ZNF563: variants seen among roughly 807,000 people sequenced by gnomAD.
ZNF563 encodes zinc finger protein 563.
Under a neutral mutation model 48.5 loss-of-function variants are expected in ZNF563, and 39 were observed. The ratio of observed to expected loss-of-function variants is 0.80; its 90% CI spans 0.62 to 1.05. The LOEUF is 1.05. Among genes scored for constraint, ZNF563 ranks in the 50% least tolerant of loss-of-function variants. The pLI, the probability that ZNF563 is intolerant of heterozygous loss-of-function variation, is 0.00. For missense variants in ZNF563, 538 were observed against 597.0 expected (o/e 0.90, Z 1.03); for synonymous variants, 168 against 187.9 (o/e 0.89, Z 0.87).
Position 12,319,352 on chromosome 19 carries a change from A to G in ZNF563, c.673T>C (p.Tyr225His), listed in dbSNP as rs1398830378. The change falls in exon 4 of 4, where the codon TAT (tyrosine) becomes CAT (histidine). Residue 225 changes from tyrosine (Y) to histidine (H), a missense_variant. Coordinates refer to ENST00000293725, the MANE Select transcript of ZNF563 (RefSeq NM_145276.3). ...HERTHTGEKP[Y>H]ECKQCSKAFP... ...GCTTTAGAACACTGCTTACATTCATACGGTTTCTCTCCAGTGTGAGTTCTT... is the reference window on the plus strand; with the variant it reads ...GCTTTAGAACACTGCTTACATTCATGCGGTTTCTCTCCAGTGTGAGTTCTT... 2 of 1,614,070 alleles carry G rather than the reference A, an allele frequency of 1.2e-6. No homozygotes were observed. The highest frequency in any genetic ancestry group is 2.7e-5 in the African/African-American group (2 of 74,928).
the ZNF563 span, among the ~76,000 whole-genome samples, chr19:12,341,027 C>T: frequency 4.0e-5 from 6 of 151,790 alleles, no homozygotes; most frequent in Non-Finnish European, 7.4e-5. Flanking sequence ...AAAAGAAATA[C>T]ATGGACAATT....
chr19:12,342,519 T>A, the ZNF563 span, among the ~76,000 whole-genome samples: 1 of 149,906 alleles, frequency 6.7e-6, no homozygotes, highest in Non-Finnish European at 1.5e-5. Context: ...AAACCTGTAA[T>A]CCCAAAAGTT....
intron 2 of ZNF563, 97 bp downstream of exon 2, chr19:12,322,488 C>A: frequency 7.5e-7 from 1 of 1,324,564 alleles, no homozygotes; most frequent in South Asian, 1.4e-5. Flanking sequence ...AAGAGTCCAT[C>A]ATATGCCCTT....
upstream of ZNF563, chr19:12,333,790 C>T: frequency 2.2e-6 from 1 of 462,722 alleles, no homozygotes; most frequent in Non-Finnish European, 3.9e-6. Context: ...CACTGAGTGA[C>T]AGAAGAAGCG....
At position 12,317,749 on chromosome 19, in the gene ZNF563, G is replaced by T. The variant is rs549751348; in HGVS notation, c.*845C>A. The T allele has an allele frequency of 1.3e-5, 2 of 152,422 alleles. No individual in the cohort carries two copies. The highest frequency in any genetic ancestry group is 4.8e-5 in the African/African-American group (2 of 41,516). 9.4% of individuals were successfully genotyped at this position (152,422 alleles called of 1,614,324 possible). A position where few individuals can be genotyped will look rare whatever the true frequency, so the allele number is the denominator to read the frequency against. ...GAACCACGCTCCTGCAAATATTAGG[G>T]GATAACTGTATTTGAAAGAAACTGA... On this transcript the variant is annotated 3_prime_UTR_variant, in exon 4 of 4. Transcript: ENST00000293725.
intron 1 of ZNF563, 32 bp from the exon 2 acceptor site, chr19:12,322,743 G>T: frequency 6.4e-7 from 1 of 1,554,684 alleles, no homozygotes; most frequent in South Asian, 1.2e-5. Flanking sequence ...GAGGAGAAAG[G>T]TTGAGTGACA....
rs746358979 is a variant in ZNF563 at position 12,318,906 on chromosome 19, C to T, written c.1119G>A (p.Thr373=). ...KPYECKQCGK[T]LSHSSSFRRH... The stretch of plus-strand genomic sequence containing the variant: ...TTCGAAAGCTTGAGCTATGAGATAA[C>T]GTTTTCCCACACTGCTTGCATTCAT... The change falls in exon 4 of 4, where the codon ACG becomes ACA. Residue 373 remains threonine (T), a synonymous_variant. Transcript: ENST00000293725. 4.3e-6 allele frequency: 7 copies of T among 1,613,992 alleles called. No individual in the cohort carries two copies. The highest frequency in any genetic ancestry group is 2.7e-5 in the African/African-American group (2 of 74,916).
Position 12,325,885 on chromosome 19 carries a change from G to A in ZNF563, c.4-3174C>T, listed in dbSNP as rs377545787. The stretch of plus-strand genomic sequence containing the variant: ...AGCTAAAGAACAGAGACTTCAGTGT[G>A]TACATCAGATAGGGAATAGAGTCTC... On this transcript the variant is annotated intron_variant, in intron 1 of 3. Coordinates refer to ENST00000293725, the MANE Select transcript of ZNF563 (RefSeq NM_145276.3). Among the ~76,000 whole-genome samples, 92 of 152,312 alleles carry A rather than the reference G, an allele frequency of 6.0e-4. 3 individuals carry two copies. In the South Asian group the frequency reaches 0.019, roughly 32 times the overall value.
intron 1 of ZNF563, among the ~76,000 whole-genome samples, chr19:12,331,219 T>C (rs1968908510): frequency 6.6e-6 from 1 of 152,158 alleles, no homozygotes; most frequent in Non-Finnish European, 1.5e-5. Context: ...AGTGAACAAA[T>C]CTTTTCAAGG....
At chr19:12,336,636 G>C (rs1782825205), upstream of ZNF563, among the ~76,000 whole-genome samples, 1 of 152,126 alleles carries the variant, frequency 6.6e-6, no homozygotes, top group Non-Finnish European at 1.5e-5. Flanking sequence ...TAATTATTCT[G>C]TTGAGAAACA....
chr19:12,331,802 G>A (rs1196020781), intron 1 of ZNF563, among the ~76,000 whole-genome samples: 3 of 152,206 alleles, frequency 2.0e-5, no homozygotes, highest in African/African-American at 7.2e-5. Flanking sequence ...ACCAGGAAAA[G>A]ATAGTGTGGG....
chr19:12,336,711 G>A (rs74989405), upstream of ZNF563, among the ~76,000 whole-genome samples: 7,415 of 152,170 alleles, frequency 0.049, 600 homozygotes, highest in African/African-American at 0.17. Context: ...AATTAAATGT[G>A]AGCTCTCCTC....
the ZNF563 span, among the ~76,000 whole-genome samples, chr19:12,339,112 C>A: frequency 6.6e-6 from 1 of 151,974 alleles, no homozygotes; most frequent in East Asian, 1.9e-4. Context: ...CAGGACATCT[C>A]GTTGTGATGT....
At chr19:12,341,279 T>G in the ZNF563 span, among the ~76,000 whole-genome samples, 1 of 152,174 alleles carries the variant, frequency 6.6e-6, no homozygotes. Context: ...CTTAAACTCC[T>G]GACCTCAAAT....
At chr19:12,338,906 C>T in the ZNF563 span, among the ~76,000 whole-genome samples, 1 of 152,052 alleles carries the variant, frequency 6.6e-6, no homozygotes, top group Admixed American at 6.6e-5. Flanking sequence ...CTATTGAAGC[C>T]TTGAAAATTC....
At chr19:12,333,694 A>C (rs1441779301), upstream of ZNF563, 1 of 624,936 alleles carries the variant, frequency 1.6e-6, no homozygotes, top group Non-Finnish European at 2.6e-6. Flanking sequence ...CTGGCACCCT[A>C]CTGCCAGCCG....
intron 1 of ZNF563, among the ~76,000 whole-genome samples, chr19:12,327,985 A>G (rs1476541153): frequency 6.6e-6 from 1 of 152,252 alleles, no homozygotes; most frequent in African/African-American, 2.4e-5. Context: ...ATCTCTATCA[A>G]TAATTCACAG....
intron 1 of ZNF563, among the ~76,000 whole-genome samples, chr19:12,325,394 T>C (rs12610823): frequency 0.22 from 32,327 of 148,684 alleles, 3,766 homozygotes; most frequent in African/African-American, 0.31. Flanking sequence ...CGCTTGAACC[T>C]GGCAGGCAGA....
chr19:12,323,108 T>C (rs891621317), intron 1 of ZNF563, among the ~76,000 whole-genome samples: 3 of 152,240 alleles, frequency 2.0e-5, no homozygotes, highest in African/African-American at 7.2e-5. Context: ...ATTCTCAAAG[T>C]TGGACCTTTT....
Sources: gnomAD v4.1 joint callset for allele counts (sites outside exome capture counted in the v4.1 genomes callset) on GRCh38, gnomAD v4.1.1 for gene constraint, MANE v1.5 for transcripts, NCBI Gene and HGNC (gene_info 2026-07-23, HGNC 2026-07-21) for gene names.